Variants in ANK1 observed in about 807,000 individuals in gnomAD.
ANK1 encodes ankyrin-1.
Under a neutral mutation model 210.4 loss-of-function variants are expected in ANK1, and 51 were observed. The ratio of observed to expected loss-of-function variants is 0.24; its 90% CI spans 0.19 to 0.31. The LOEUF is 0.31. Ranked by LOEUF, ANK1 falls within the 10% of genes least tolerant of loss-of-function variation. The probability of loss-of-function intolerance (pLI) is 1.00; values close to 1 mark genes in which losing one functional copy is unlikely to be tolerated. For missense variants in ANK1, 2,051 were observed against 2,504.4 expected (o/e 0.82, Z 3.86); for synonymous variants, 967 against 1,025.9 (o/e 0.94, Z 1.10).
intron 33 of ANK1, among the ~76,000 whole-genome samples, chr8:41,689,267 T>G (rs1220160075): frequency 6.6e-6 from 1 of 151,502 alleles, no homozygotes; most frequent in Non-Finnish European, 1.5e-5. Flanking sequence ...GGACTACAGG[T>G]GCATGCCACC....
At chr8:41,873,107 C>T (rs1197790306) in intron 1 of ANK1, among the ~76,000 whole-genome samples, 4 of 152,196 alleles carry the variant, frequency 2.6e-5, no homozygotes, top group East Asian at 3.8e-4. Flanking sequence ...TCCCCATTAC[C>T]GTTTATTTTC....
chr8:41,778,286 G>A (rs1844543954), intron 1 of ANK1, among the ~76,000 whole-genome samples: 1 of 152,226 alleles, frequency 6.6e-6, no homozygotes, highest in East Asian at 1.9e-4. Context: ...AATAGCTCAA[G>A]AGATGCCCCA....
upstream of ANK1, among the ~76,000 whole-genome samples, chr8:41,798,713 T>C (rs1348227698): frequency 6.6e-6 from 1 of 151,966 alleles, no homozygotes; most frequent in Non-Finnish European, 1.5e-5. Flanking sequence ...CTGGGGGTGG[T>C]GCCATTAAGG....
intron 1 of ANK1, among the ~76,000 whole-genome samples, chr8:41,853,630 C>G (rs548444083): frequency 6.6e-6 from 1 of 152,058 alleles, no homozygotes; most frequent in Non-Finnish European, 1.5e-5. Flanking sequence ...GGTTCTTTTC[C>G]TCTCTAAATT....
At chr8:41,848,470 G>A (rs1213756209) in intron 1 of ANK1, among the ~76,000 whole-genome samples, 3 of 152,180 alleles carry the variant, frequency 2.0e-5, no homozygotes, top group Non-Finnish European at 4.4e-5. Context: ...CTGCAGAGCC[G>A]AGCCCAGGGA....
chr8:41,706,798 C>A (rs1299443916), intron 17 of ANK1, among the ~76,000 whole-genome samples: 1 of 152,212 alleles, frequency 6.6e-6, no homozygotes, highest in Non-Finnish European at 1.5e-5. Flanking sequence ...CATTGAGAGG[C>A]ACACAGTGCT....
At chr8:41,711,548 C>G (rs551638093) in intron 16 of ANK1, among the ~76,000 whole-genome samples, 5 of 152,352 alleles carry the variant, frequency 3.3e-5, no homozygotes, top group African/African-American at 1.2e-4. Context: ...GGAGGTCACT[C>G]GGCCCAGGAC....
intron 1 of ANK1, among the ~76,000 whole-genome samples, chr8:41,883,458 GT>G (rs1158984923): frequency 6.6e-6 from 1 of 151,944 alleles, no homozygotes; most frequent in African/African-American, 2.4e-5. Flanking sequence ...TTGTTTGTTT[GT>G]TTGTTTGTTT....
chr8:41,838,935 G>A (rs73626617), intron 1 of ANK1, among the ~76,000 whole-genome samples: 4,951 of 151,970 alleles, frequency 0.033, 269 homozygotes, highest in African/African-American at 0.11. Flanking sequence ...AAATTAGTAC[G>A]GCATGATGGT....
intron 1 of ANK1, among the ~76,000 whole-genome samples, chr8:41,869,359 C>A (rs569961816): frequency 2.2e-4 from 34 of 152,276 alleles, no homozygotes; most frequent in Middle Eastern, 3.4e-3. Flanking sequence ...AGGACCCCAT[C>A]CTCTGAGATC....
At chr8:41,688,977 G>A (rs1252192662) in intron 33 of ANK1, among the ~76,000 whole-genome samples, 1 of 152,198 alleles carries the variant, frequency 6.6e-6, no homozygotes, top group Non-Finnish European at 1.5e-5. Flanking sequence ...ATGGAGCTGG[G>A]GTTGAACTTA....
intron 34 of ANK1, 68 bp from the exon 35 acceptor site, chr8:41,688,298 G>T: frequency 6.5e-7 from 1 of 1,549,272 alleles, no homozygotes. Flanking sequence ...TGAGGACACG[G>T]CCTGTGATGG....
intron 1 of ANK1, among the ~76,000 whole-genome samples, chr8:41,808,060 G>A (rs764799749): frequency 5.1e-4 from 77 of 152,224 alleles, no homozygotes; most frequent in Admixed American, 4.6e-4. Flanking sequence ...CCCCAAGGTC[G>A]GCAGCCCTCT....
intron 37 of ANK1, among the ~76,000 whole-genome samples, chr8:41,673,464 G>T (rs1203591751): frequency 2.0e-5 from 3 of 152,212 alleles, no homozygotes; most frequent in Non-Finnish European, 4.4e-5. Context: ...AACACCCATA[G>T]ACCTCACTGT....
At position 41,708,967 on chromosome 8, in the gene ANK1, G is replaced by A. The variant is rs200729696; in HGVS notation, c.1809C>T (p.Tyr603=). ...GSPHSPAWNG[Y]TPLHIAAKQN... is the part of the protein sequence containing the mutation. ...GCTTGGCAGCGATGTGCAAAGGGGT[G>A]TAGCCATTCTGAAACAGAAGAAGCC... is the stretch of plus-strand genomic sequence containing the variant. Residue 603 remains tyrosine, a synonymous_variant, in exon 17 of 43, where the codon TAC becomes TAT. Transcript: ENST00000289734. The A allele has an allele frequency of 1.1e-5, 17 of 1,613,304 alleles. No individual in the cohort carries two copies. In the Admixed American group the frequency reaches 1.8e-4, roughly 17 times the overall value.
chr8:41,894,664 G>A (rs568409155), intron 1 of ANK1, among the ~76,000 whole-genome samples: 1 of 152,250 alleles, frequency 6.6e-6, no homozygotes, highest in South Asian at 2.1e-4. Flanking sequence ...TGAGCAGCTC[G>A]GAGAGGAGCG....
chr8:41,733,567 TACAG>T (rs1380839738), intron 3 of ANK1, among the ~76,000 whole-genome samples: 1 of 152,232 alleles, frequency 6.6e-6, no homozygotes, highest in Non-Finnish European at 1.5e-5. Context: ...ATCTCCATTT[TACAG>T]ACAAAGAAGC....
chr8:41,709,099 AC>A, intron 16 of ANK1, 124 bp from the exon 17 acceptor site: 1 of 1,041,694 alleles, frequency 9.6e-7, no homozygotes, highest in Non-Finnish European at 1.4e-6. Context: ...GGCTGGCATC[AC>A]CCAGGAGCAA....
chr8:41,873,509 A>T (rs1276472170), intron 1 of ANK1, among the ~76,000 whole-genome samples: 1 of 152,244 alleles, frequency 6.6e-6, no homozygotes, highest in Non-Finnish European at 1.5e-5. Context: ...ACTGAGACTG[A>T]AAAGGGTTAA....
Sources: gnomAD v4.1 joint callset for allele counts (sites outside exome capture counted in the v4.1 genomes callset) on GRCh38, gnomAD v4.1.1 for gene constraint, MANE v1.5 for transcripts, NCBI Gene and HGNC (gene_info 2026-07-23, HGNC 2026-07-21) for gene names.